Variants in CD2 observed in about 807,000 individuals in gnomAD.
CD2 encodes the protein CD2 molecule.
A neutral mutation model predicts 23.2 loss-of-function variants in CD2; 18 were observed. The observed-to-expected ratio is 0.77, with a 90% CI of 0.54 to 1.15. The LOEUF is 1.15. Among genes scored for constraint, CD2 ranks in the 50% most tolerant of loss-of-function variants. CD2 has a pLI of 0.00. For synonymous variants in CD2, 162 were observed against 151.9 expected, an observed-to-expected ratio of 1.07 and a Z score of -0.49; for missense variants, 424 against 423.1, an observed-to-expected ratio of 1.00 and a Z score of -0.02.
Position 116,754,869 on chromosome 1 carries a change from T to A in CD2, c.300T>A (p.Asp100Glu). The A allele has an allele frequency of 6.2e-7, 1 of 1,612,830 alleles. No individual in the cohort carries two copies. The highest frequency in any genetic ancestry group is 8.5e-7 in the Non-Finnish European group (1 of 1,178,870). ...GTLKIKHLKT[D>E]DQDIYKVSIY... ...TGAAAATTAAGCATCTGAAGACCGA[T>A]GATCAGGATATCTACAAGGTATCAA... Residue 100 changes from aspartate to glutamate, a missense_variant, in exon 2 of 5, where the codon GAT (aspartate) becomes GAA (glutamate). Asp to Glu is a conservative substitution (Grantham distance 45). Coordinates refer to ENST00000369478, the MANE Select transcript of CD2 (RefSeq NM_001767.5).
At chr1:116,760,781 C>A in intron 3 of CD2, 149 bp downstream of exon 3, 2 of 661,564 alleles carry the variant, frequency 3.0e-6, no homozygotes, top group Admixed American at 2.4e-5. Context: ...TGGAAACCTT[C>A]AAGGGAAGCA....
intron 2 of CD2, among the ~76,000 whole-genome samples, chr1:116,759,744 G>T (rs1651979189): frequency 6.6e-6 from 1 of 152,156 alleles, no homozygotes; most frequent in African/African-American, 2.4e-5. Flanking sequence ...GAGCAGCTCT[G>T]GGCTGGGAAA....
At chr1:116,764,635 A>T (rs762358117) in intron 4 of CD2, 29 bp downstream of exon 4, 2 of 1,571,206 alleles carry the variant, frequency 1.3e-6, no homozygotes, top group Non-Finnish European at 1.8e-6. Flanking sequence ...GTCCCACCGC[A>T]GGCCCCAGCA....
chr1:116,754,990 G>A, intron 2 of CD2, 39 bp downstream of exon 2: 2 of 1,390,136 alleles, frequency 1.4e-6, no homozygotes, highest in Non-Finnish European at 2.0e-6. Flanking sequence ...TTTCAGTGTG[G>A]GTGCTATTTG....
intron 2 of CD2, among the ~76,000 whole-genome samples, chr1:116,758,157 T>C (rs1016010228): frequency 1.3e-5 from 2 of 151,968 alleles, no homozygotes; most frequent in Non-Finnish European, 2.9e-5. Flanking sequence ...TGACTTTGAG[T>C]GGTGGCGTTG....
At chr1:116,756,233 C>T (rs148844750) in intron 2 of CD2, among the ~76,000 whole-genome samples, 2,280 of 152,240 alleles carry the variant, frequency 0.015, 59 homozygotes, top group African/African-American at 0.051. Context: ...TGATTATGGG[C>T]TCTGGAAACC....
In CD2 at chr1:116,768,746, G is replaced by C. The variant is rs774420483; in HGVS notation, c.1019G>C (p.Gly340Ala). ...RPRVQPKPPH[G>A]AAENSLSPSS... is the part of the protein sequence containing the mutation. ...CGAGTTCAGCCAAAACCTCCCCATG[G>C]GGCAGCAGAAAACTCATTGTCCCCT... Residue 340 changes from glycine to alanine, a missense_variant, in exon 5 of 5, where the codon GGG (glycine) becomes GCG (alanine). Gly to Ala is a moderately conservative substitution (Grantham distance 60, BLOSUM62 0). Coordinates refer to ENST00000369478, the MANE Select transcript of CD2 (RefSeq NM_001767.5). 5 of 1,613,730 alleles carry C rather than the reference G, an allele frequency of 3.1e-6. No homozygotes were observed. The highest frequency in any genetic ancestry group is 4.2e-6 in the Non-Finnish European group (5 of 1,179,946).
At chr1:116,767,636 ACTT>A (rs1030272084) in intron 4 of CD2, among the ~76,000 whole-genome samples, 1 of 151,994 alleles carries the variant, frequency 6.6e-6, no homozygotes. Flanking sequence ...CCAGGGAAAA[ACTT>A]CTCTTCCTAC....
In CD2 at chr1:116,765,040, T is replaced by C. The variant is rs545519328; in HGVS notation, c.736+434T>C. 5.3e-5 allele frequency among the ~76,000 whole-genome samples: 8 copies of C among 152,322 alleles called. No individual in the cohort carries two copies. The East Asian group carries it at 1.2e-3, about 22-fold the overall frequency. On this transcript the variant is annotated intron_variant, in intron 4 of 4. Coordinates refer to ENST00000369478, the MANE Select transcript of CD2 (RefSeq NM_001767.5). Reference sequence around the variant, plus strand: ...AGGGAAAATCATTCAGGTCATCAGGTAGTCACAGGAAAACAGCTGTTCTAA... The same window carrying C: ...AGGGAAAATCATTCAGGTCATCAGGCAGTCACAGGAAAACAGCTGTTCTAA...
At chr1:116,765,963 C>G (rs979745463) in intron 4 of CD2, among the ~76,000 whole-genome samples, 2 of 152,242 alleles carry the variant, frequency 1.3e-5, no homozygotes, top group Non-Finnish European at 2.9e-5. Context: ...AGCTTAAGTT[C>G]AGTGAGGTTC....
At chr1:116,758,303 A>G (rs1173808877) in intron 2 of CD2, among the ~76,000 whole-genome samples, 5 of 152,104 alleles carry the variant, frequency 3.3e-5, no homozygotes, top group Non-Finnish European at 7.4e-5. Flanking sequence ...GGAGGAAGAC[A>G]GGAACCCCAG....
rs760747639 is a variant in CD2, at chr1:116,760,453, C to A, written c.434C>A (p.Thr145Asn). The A allele has an allele frequency of 6.2e-7, 1 of 1,614,034 alleles. No individual in the cohort carries two copies. The highest frequency in any genetic ancestry group is 2.2e-5 in the East Asian group (1 of 44,896). Reference sequence around the variant, plus strand: ...TGGACTTGTATCAACACAACCCTGACCTGTGAGGTAATGAATGGAACTGAC... The same window carrying A: ...TGGACTTGTATCAACACAACCCTGAACTGTGAGGTAATGAATGGAACTGAC... Reference protein sequence around the residue: ...ISWTCINTTLTCEVMNGTDPE... With the variant: ...ISWTCINTTLNCEVMNGTDPE... Residue 145 changes from threonine to asparagine, a missense_variant, in exon 3 of 5, where the codon ACC becomes AAC. By Grantham distance (65) the Thr-to-Asn change is moderately conservative (BLOSUM62 0). Coordinates refer to ENST00000369478, the MANE Select transcript of CD2 (RefSeq NM_001767.5).
chr1:116,755,133 A>G (rs573196478), intron 2 of CD2, 182 bp downstream of exon 2: 2 of 606,560 alleles, frequency 3.3e-6, no homozygotes, highest in East Asian at 2.8e-5. Context: ...GGATCCACAC[A>G]TCTGATAGAC....
intron 4 of CD2, among the ~76,000 whole-genome samples, chr1:116,764,856 C>G (rs1202076508): frequency 6.6e-6 from 1 of 152,204 alleles, no homozygotes; most frequent in Non-Finnish European, 1.5e-5. Context: ...GAATCCACCA[C>G]TGAGGCCTAC....
intron 3 of CD2, among the ~76,000 whole-genome samples, chr1:116,762,318 A>T (rs1034486593): frequency 2.0e-5 from 3 of 152,208 alleles, no homozygotes; most frequent in African/African-American, 7.2e-5. Flanking sequence ...TGGAGCCCAC[A>T]AGTATAAATA....
Position 116,764,623 on chromosome 1 carries a change from T to C in CD2, c.736+17T>C, listed in dbSNP as rs771886702. On this transcript the variant is annotated intron_variant, in intron 4 of 4. Transcript: ENST00000369478. ...GGAGAAATGGTAAGCTCCCCCTCTT[T>C]TGTCCCACCGCAGGCCCCAGCAAAA... The C allele has an allele frequency of 2.1e-5, 34 of 1,605,760 alleles. No homozygotes were observed. The South Asian group carries it at 3.4e-4, about 16-fold the overall frequency.
chr1:116,758,053 C>CTGTAA (rs1241733964), intron 2 of CD2, among the ~76,000 whole-genome samples: 3 of 151,500 alleles, frequency 2.0e-5, no homozygotes, highest in Admixed American at 6.6e-5. Flanking sequence ...CAGGCATGAG[C>CTGTAA]CACCTCTCCC....
intron 4 of CD2, among the ~76,000 whole-genome samples, chr1:116,765,568 C>T (rs1273459911): frequency 6.6e-6 from 1 of 152,158 alleles, no homozygotes; most frequent in Non-Finnish European, 1.5e-5. Flanking sequence ...GTCACTACCC[C>T]CAGCCCAGGC....
chr1:116,765,309 A>G (rs1323583816), intron 4 of CD2, among the ~76,000 whole-genome samples: 1 of 152,146 alleles, frequency 6.6e-6, no homozygotes, highest in Non-Finnish European at 1.5e-5. Context: ...ACTTGCAGCC[A>G]AGGGAACAGG....
Sources: gnomAD v4.1 joint callset for allele counts (sites outside exome capture counted in the v4.1 genomes callset) on GRCh38, gnomAD v4.1.1 for gene constraint, MANE v1.5 for transcripts, NCBI Gene and HGNC (gene_info 2026-07-23, HGNC 2026-07-21) for gene names.